CTNNA2: variants seen among roughly 807,000 people sequenced by gnomAD.
The protein encoded by CTNNA2 is catenin alpha 2.
Under a neutral mutation model 101.0 loss-of-function variants are expected in CTNNA2, and 42 were observed. The observed-to-expected ratio is 0.42, with a 90% CI of 0.32 to 0.54. The LOEUF is 0.54. CTNNA2 is among the 20% of genes least tolerant of loss of function. The pLI, the probability that CTNNA2 is intolerant of heterozygous loss-of-function variation, is 0.14. For synonymous variants in CTNNA2, 450 were observed against 456.4 expected (o/e 0.99, Z 0.18); for missense variants, 871 against 1,223.1 (o/e 0.71, Z 4.29).
chr2:80,611,858 A>C (rs972251541), intron 17 of CTNNA2, among the ~76,000 whole-genome samples: 3 of 151,632 alleles, frequency 2.0e-5, no homozygotes, highest in African/African-American at 4.8e-5. Flanking sequence ...AAGTCAGAAC[A>C]TAACAGCAAT....
intron 1 of CTNNA2, among the ~76,000 whole-genome samples, chr2:79,587,629 C>T (rs1021888505): frequency 6.6e-6 from 1 of 152,162 alleles, no homozygotes. Flanking sequence ...ATTTTCCATG[C>T]TCTGGTCCTC....
chr2:79,475,067 T>A (rs1671037047), intron 4 of CTNNA2, among the ~76,000 whole-genome samples: 1 of 151,180 alleles, frequency 6.6e-6, no homozygotes, highest in African/African-American at 2.4e-5. Context: ...ACAAAAGTTA[T>A]CTCTAAATGT....
chr2:79,803,138 T>G (rs767943175), intron 3 of CTNNA2, among the ~76,000 whole-genome samples: 1 of 152,232 alleles, frequency 6.6e-6, no homozygotes, highest in African/African-American at 2.4e-5. Context: ...CACTTTGAAT[T>G]GTCTATTTTT....
chr2:79,780,761 A>C (rs1313055987), intron 3 of CTNNA2, among the ~76,000 whole-genome samples: 1 of 152,208 alleles, frequency 6.6e-6, no homozygotes, highest in African/African-American at 2.4e-5. Context: ...ACTGTTTAGA[A>C]GTGTCTTTCT....
At chr2:79,272,190 C>T (rs547332293) in intron 2 of CTNNA2, among the ~76,000 whole-genome samples, 2 of 152,010 alleles carry the variant, frequency 1.3e-5, no homozygotes, top group Non-Finnish European at 2.9e-5. Flanking sequence ...CAACTGACTA[C>T]TGTGCTAAAA....
chr2:80,247,292 T>C (rs1356369242), intron 7 of CTNNA2, among the ~76,000 whole-genome samples: 1 of 152,170 alleles, frequency 6.6e-6, no homozygotes, highest in Non-Finnish European at 1.5e-5. Context: ...CTGTTGCCAA[T>C]AGCACTCATA....
intron 7 of CTNNA2, among the ~76,000 whole-genome samples, chr2:79,920,242 G>A (rs1251782296): frequency 6.6e-6 from 1 of 152,058 alleles, no homozygotes; most frequent in Non-Finnish European, 1.5e-5. Flanking sequence ...AAAAACAAGT[G>A]TTCTTTCATA....
chr2:79,615,586 G>A (rs1259049371), intron 1 of CTNNA2, among the ~76,000 whole-genome samples: 1 of 152,258 alleles, frequency 6.6e-6, no homozygotes, highest in East Asian at 1.9e-4. Context: ...CTGTTTTGAC[G>A]AGAGGGTCAA....
chr2:80,583,482 T>A (rs1186240503), intron 14 of CTNNA2, among the ~76,000 whole-genome samples: 5 of 152,208 alleles, frequency 3.3e-5, no homozygotes, highest in African/African-American at 1.2e-4. Context: ...TCTTCAGAAT[T>A]AAGTAAAACC....
intron 7 of CTNNA2, among the ~76,000 whole-genome samples, chr2:80,386,303 G>T (rs895590505): frequency 6.6e-6 from 1 of 152,078 alleles, no homozygotes; most frequent in Non-Finnish European, 1.5e-5. Flanking sequence ...TTGCTTTGTG[G>T]CCACTGTTCA....
intron 1 of CTNNA2, among the ~76,000 whole-genome samples, chr2:79,630,242 C>G (rs911822559): frequency 6.6e-6 from 1 of 152,196 alleles, no homozygotes; most frequent in Non-Finnish European, 1.5e-5. Flanking sequence ...ATAGCATGCC[C>G]CCTCCTGTTG....
rs146840072 is a variant in CTNNA2 at position 79,234,024 on chromosome 2, GTGC to G, written c.-406+35950_-406+35952del. 9.0e-4 allele frequency among the ~76,000 whole-genome samples: 134 copies of G among 149,506 alleles called. 2 individuals carry two copies. The East Asian group carries it at 0.023, about 26-fold the overall frequency. On this transcript the variant is annotated intron_variant, in intron 2 of 21. Transcript: ENST00000466387. ...TGCCACTCTGTGTCTTTTAAGTGGG[GTGC>G]TTAGATTACATTCAGGGTTAGTATT...
intron 4 of CTNNA2, among the ~76,000 whole-genome samples, chr2:79,411,888 C>T (rs967735737): frequency 6.6e-6 from 1 of 152,168 alleles, no homozygotes; most frequent in African/African-American, 2.4e-5. Flanking sequence ...CAAATTCACA[C>T]ATAACAATAT....
rs114987863 is a variant in CTNNA2, at chr2:79,628,762, T to C, written c.-5-22790T>C. ...TGCAATTTCTTTATTAATTTTATTT[T>C]CTTAAGGTCACATTATTCCTGGCAT... On this transcript the variant is annotated intron_variant, in intron 1 of 18. Transcript: ENST00000402739. 7.9e-3 allele frequency among the ~76,000 whole-genome samples: 1,196 copies of C among 152,348 alleles called. 19 individuals carry two copies. The highest frequency in any genetic ancestry group is 0.027 in the African/African-American group (1,129 of 41,576).
chr2:79,746,978 C>G (rs1449222804), intron 3 of CTNNA2, among the ~76,000 whole-genome samples: 2 of 152,120 alleles, frequency 1.3e-5, no homozygotes, highest in African/African-American at 2.4e-5. Flanking sequence ...AATGAATGGT[C>G]TCTTCCAATT....
At chr2:79,436,189 G>C (rs1200894541) in intron 4 of CTNNA2, among the ~76,000 whole-genome samples, 1 of 152,194 alleles carries the variant, frequency 6.6e-6, no homozygotes, top group African/African-American at 2.4e-5. Context: ...TACCTGCGAT[G>C]AACTGAAATG....
intron 3 of CTNNA2, among the ~76,000 whole-genome samples, chr2:79,784,205 G>T (rs575143798): frequency 5.9e-5 from 9 of 152,146 alleles, no homozygotes; most frequent in African/African-American, 2.2e-4. Flanking sequence ...ACCAGAGCTG[G>T]TTTTATGCTA....
intron 9 of CTNNA2, among the ~76,000 whole-genome samples, chr2:80,465,650 A>C (rs1684794418): frequency 6.6e-6 from 1 of 152,144 alleles, no homozygotes; most frequent in Non-Finnish European, 1.5e-5. Context: ...ACAAACAAAA[A>C]AAGAAGTCAT....
chr2:79,865,528 T>C (rs1284224409), intron 4 of CTNNA2, among the ~76,000 whole-genome samples: 1 of 151,992 alleles, frequency 6.6e-6, no homozygotes, highest in Non-Finnish European at 1.5e-5. Flanking sequence ...ACAGAAATGA[T>C]AATCATAACA....
Sources: allele counts gnomAD v4.1 joint callset (sites outside exome capture counted in the v4.1 genomes callset), GRCh38; gene constraint gnomAD v4.1.1; transcripts MANE v1.5; gene names NCBI Gene and HGNC (gene_info 2026-07-23, HGNC 2026-07-21).